Variants in GCC2 observed in about 807,000 individuals in gnomAD.
GCC2 encodes the protein GRIP and coiled-coil domain-containing protein 2.
A neutral mutation model predicts 210.6 loss-of-function variants in GCC2; 120 were observed. The ratio of observed to expected loss-of-function variants is 0.57; its 90% confidence interval spans 0.49 to 0.66. The LOEUF is 0.66. GCC2 is among the 30% of genes least tolerant of loss of function. The probability of loss-of-function intolerance (pLI) is 0.00; values close to 1 mark genes in which losing one functional copy is unlikely to be tolerated. For synonymous variants in GCC2, 703 were observed against 652.7 expected (o/e 1.08, Z -1.17); for missense variants, 1,868 against 1,871.9 (o/e 1.00, Z 0.04).
chr2:108,480,217 C>T (rs1401311018), intron 9 of GCC2, among the ~76,000 whole-genome samples: 1 of 152,300 alleles, frequency 6.6e-6, no homozygotes, highest in Admixed American at 6.5e-5. Context: ...GATACCACCT[C>T]ACATCAGTCA....
In GCC2 at chr2:108,470,804, CAG is replaced by C; in HGVS notation, c.1477_1478del (p.Glu493ThrfsTer22). 1 of 1,613,552 alleles carries C rather than the reference CAG, an allele frequency of 6.2e-7. No homozygotes were observed. Among genetic ancestry groups the C allele is most frequent in the South Asian group, 1.1e-5 (1 of 91,004 alleles). On this transcript the variant is annotated frameshift_variant, in exon 6 of 23. Coordinates refer to ENST00000309863, the MANE Select transcript of GCC2 (RefSeq NM_181453.4). LOFTEE classifies it high-confidence loss of function. ...CGAGAGATTATGGAAATTTTACAAA[CAG>C]AACTGGGGGAATCTGCTGGAAAAAT...
At chr2:108,476,054 C>CTTTTTTTTTTTTTTTTTTTT (rs56236751) in intron 9 of GCC2, among the ~76,000 whole-genome samples, 4 of 96,318 alleles carry the variant, frequency 4.2e-5, no homozygotes, top group East Asian at 3.1e-4. Context: ...TAGTGGCTTG[C>CTTTTTTTTTTTTTTTTTTTT]TTTTTTTTTT....
At position 108,469,085 on chromosome 2, in the gene GCC2, G is replaced by C; in HGVS notation, c.321+1G>C. On this transcript the variant is annotated splice_donor_variant, in intron 5 of 22. Transcript: ENST00000309863. LOFTEE classifies it high-confidence loss of function. ...TATAAAAATGAAGCAAGAGGTTGAG[G>C]TAAGTCAATATTTTAGTGTTCTTTT... The C allele has an allele frequency of 1.3e-6, 2 of 1,547,694 alleles. No individual in the cohort carries two copies. The highest frequency in any genetic ancestry group is 1.8e-6 in the Non-Finnish European group (2 of 1,120,078).
rs575208339 is a variant in GCC2, at chr2:108,449,252, G to T, written c.-23G>T. The T allele has an allele frequency of 1.9e-6, 3 of 1,548,642 alleles. No individual in the cohort carries two copies. Among genetic ancestry groups the T allele is most frequent in the African/African-American group, 2.7e-5 (2 of 72,986 alleles). ...TGCAGCGGTGGCGGCGGCTGGTTGC[G>T]GGCCGGCGGCGGGCTGGCGGAGATG... On this transcript the variant is annotated 5_prime_UTR_variant, in exon 1 of 23. Transcript: ENST00000309863.
At position 108,483,103 on chromosome 2, in the gene GCC2, A is replaced by C. The variant is rs1361037016; in HGVS notation, c.3387A>C (p.Val1129=). 1.3e-6 allele frequency: 2 copies of C among 1,599,302 alleles called. No individual in the cohort carries two copies. Among genetic ancestry groups the C allele is most frequent in the Admixed American group, 1.7e-5 (1 of 59,934 alleles). ...TAAATGAACTTGAAGAACTTCAGGT[A>C]CAACTTCAAAAGCAAAAGAAACAGC... is the stretch of plus-strand genomic sequence containing the variant. ...TTVNELEELQ[V]QLQKQKKQLQ... is the part of the protein sequence containing the mutation. The change falls in exon 12 of 23, where the codon GTA becomes GTC. Residue 1129 remains valine (V), a synonymous_variant. Transcript: ENST00000309863.
At chr2:108,476,620 GTAT>G (rs1445753369) in intron 9 of GCC2, among the ~76,000 whole-genome samples, 1 of 152,022 alleles carries the variant, frequency 6.6e-6, no homozygotes, top group Non-Finnish European at 1.5e-5. Flanking sequence ...ACATGAAAAT[GTAT>G]TATTAAAAAG....
At chr2:108,506,530 G>C (rs1430007371) in intron 22 of GCC2, among the ~76,000 whole-genome samples, 4 of 152,156 alleles carry the variant, frequency 2.6e-5, no homozygotes, top group Admixed American at 6.5e-5. Flanking sequence ...GTACGTAACT[G>C]TGCATTTGTC....
chr2:108,483,877 C>T lies in GCC2; in HGVS notation c.3451-272C>T, dbSNP rs993884886. 8.5e-5 allele frequency among the ~76,000 whole-genome samples: 13 copies of T among 152,102 alleles called. No homozygotes were observed. The South Asian group carries it at 1.0e-3, about 12-fold the overall frequency. On this transcript the variant is annotated intron_variant, in intron 12 of 22. Transcript: ENST00000309863. ...ATTAGTATTTTATAAATAAGAGCTC[C>T]GCAAGCTACAGCTGCTAGTTGTAGT...
At chr2:108,484,759 T>C (rs1235444108) in intron 13 of GCC2, 4 of 152,486 alleles carry the variant, frequency 2.6e-5, no homozygotes, top group African/African-American at 9.7e-5. Flanking sequence ...CTGAGGGCTC[T>C]GTTCTGTTCC....
intron 3 of GCC2, among the ~76,000 whole-genome samples, chr2:108,451,947 G>A (rs915167550): frequency 2.7e-5 from 4 of 150,704 alleles, no homozygotes; most frequent in African/African-American, 7.3e-5. Flanking sequence ...GGGTTCAAGC[G>A]ATTCTCCTGC....
At position 108,452,416 on chromosome 2, in the gene GCC2, G is replaced by T; in HGVS notation, c.166G>T (p.Glu56Ter). The T allele has an allele frequency of 6.5e-7, 1 of 1,534,160 alleles. No homozygotes were observed. Among genetic ancestry groups the T allele is most frequent in the Non-Finnish European group, 9.0e-7 (1 of 1,108,314 alleles). ...SRCTELEKEI[E>*]ELRSKPVTEG... ...TTGTTTAGAATTGGAGAAAGAAATTGAAGAACTCAGATCAAAACCTGTTAC... is the reference window on the plus strand; with the variant it reads ...TTGTTTAGAATTGGAGAAAGAAATTTAAGAACTCAGATCAAAACCTGTTAC... The change falls in exon 4 of 23, where the codon GAA (glutamate) becomes TAA (stop). Residue 56 changes from glutamate to a stop codon, truncating the protein, a stop_gained. Coordinates refer to ENST00000309863, the MANE Select transcript of GCC2 (RefSeq NM_181453.4). LOFTEE classifies it high-confidence loss of function.
At chr2:108,461,836 C>T (rs58712547) in intron 4 of GCC2, among the ~76,000 whole-genome samples, 24,417 of 120,116 alleles carry the variant, frequency 0.2, 2,749 homozygotes, top group African/African-American at 0.31. Flanking sequence ...TTTTCTTTTT[C>T]TTTTTTTTTT....
chr2:108,489,006 A>G (rs1371052835), intron 17 of GCC2, among the ~76,000 whole-genome samples: 1 of 152,206 alleles, frequency 6.6e-6, no homozygotes, highest in Non-Finnish European at 1.5e-5. Flanking sequence ...CATTACATGA[A>G]TGTAAATGTT....
chr2:108,481,369 T>C (rs1681840262), intron 9 of GCC2, among the ~76,000 whole-genome samples: 1 of 152,254 alleles, frequency 6.6e-6, no homozygotes, highest in Admixed American at 6.5e-5. Flanking sequence ...AAATTGTGTT[T>C]ATTAAACGTT....
In GCC2 at chr2:108,471,458, T is replaced by G. The variant is rs1681214856; in HGVS notation, c.2129T>G (p.Val710Gly). 4 of 1,608,806 alleles carry G rather than the reference T, an allele frequency of 2.5e-6. No individual in the cohort carries two copies. The highest frequency in any genetic ancestry group is 2.7e-5 in the African/African-American group (2 of 74,694). ...AAACAGTTGAGTAGGGATTTGGAGG[T>G]TTTTTTGTCTCAAAAAGAAGATGTT... ...EKKQLSRDLE[V>G]FLSQKEDVIL... Residue 710 changes from valine (V) to glycine (G), a missense_variant, in exon 6 of 23, where the codon GTT (valine) becomes GGT (glycine). Val to Gly is a moderately radical substitution (Grantham distance 109). This residue lies in a region of GCC2 where 1,847 missense variants were observed against 1,765.2 expected (regional missense o/e 1.05). Coordinates refer to ENST00000309863, the MANE Select transcript of GCC2 (RefSeq NM_181453.4).
intron 8 of GCC2, 55 bp from the exon 9 acceptor site, chr2:108,475,697 T>C: frequency 6.8e-7 from 1 of 1,470,488 alleles, no homozygotes; most frequent in South Asian, 1.2e-5. Flanking sequence ...CAAGAGTTTT[T>C]CTATCCATTA....
Position 108,452,380 on chromosome 2 carries a change from T to G in GCC2, c.149-19T>G. On this transcript the variant is annotated intron_variant, in intron 3 of 22. Transcript: ENST00000309863. Reference sequence around the variant, plus strand: ...TTCTTTATTTCTGAACCGGAGTCCTTTATTTTTTAATTGTTTAGAATTGGA... The same window carrying G: ...TTCTTTATTTCTGAACCGGAGTCCTGTATTTTTTAATTGTTTAGAATTGGA... The G allele has an allele frequency of 2.2e-6, 3 of 1,343,280 alleles. No individual in the cohort carries two copies. Among genetic ancestry groups the G allele is most frequent in the Non-Finnish European group, 3.2e-6 (3 of 935,786 alleles). The allele number at this position is 1,343,280 out of a possible 1,614,324, so 83.2% of individuals were successfully genotyped here.
chr2:108,473,881 C>T (rs1681367354), intron 7 of GCC2, among the ~76,000 whole-genome samples: 2 of 151,990 alleles, frequency 1.3e-5, no homozygotes, highest in Middle Eastern at 3.2e-3. Flanking sequence ...AGGCCGAGTG[C>T]GGTGGCTCAC....
rs1681073489 is a variant in GCC2 at position 108,469,526 on chromosome 2, T to C, written c.322-125T>C. On this transcript the variant is annotated intron_variant, in intron 5 of 22. Coordinates refer to ENST00000309863, the MANE Select transcript of GCC2 (RefSeq NM_181453.4). The stretch of plus-strand genomic sequence containing the variant: ...GTTATTGGAATATCAGTATCATGTT[T>C]CTCCAAATACATTTCTGCTCATTTA... 3 of 640,194 alleles carry C rather than the reference T, an allele frequency of 4.7e-6. No homozygotes were observed. In the South Asian group the frequency reaches 6.6e-5, roughly 14 times the overall value. 39.7% of individuals were successfully genotyped at this position (640,194 alleles called of 1,614,324 possible). A position where few individuals can be genotyped will look rare whatever the true frequency, so the allele number is the denominator to read the frequency against.
Sources: allele counts gnomAD v4.1 joint callset (sites outside exome capture counted in the v4.1 genomes callset), GRCh38; gene constraint gnomAD v4.1.1; regional missense constraint gnomAD v4.1.1; transcripts MANE v1.5; gene names NCBI Gene and HGNC (gene_info 2026-07-23, HGNC 2026-07-21).